The following FERMT2 variants were observed in gnomAD, a reference collection of about 807,000 sequenced individuals.
FERMT2 encodes fermitin family homolog 2.
FERMT2 carries 15 observed loss-of-function variants against 82.7 expected under a neutral mutation model. The ratio of observed to expected loss-of-function variants is 0.18; its 90% CI spans 0.12 to 0.28. The LOEUF (loss-of-function observed/expected upper bound fraction) is 0.28. Ranked by LOEUF, FERMT2 falls within the 10% of genes least tolerant of loss-of-function variation. The pLI is 1.00. For synonymous variants in FERMT2, 274 were observed against 271.5 expected, an observed-to-expected ratio of 1.01 and a Z score of -0.09; for missense variants, 645 against 809.4, an observed-to-expected ratio of 0.80 and a Z score of 2.46.
intron 3 of FERMT2, among the ~76,000 whole-genome samples, chr14:52,900,194 C>G (rs1887539263): frequency 6.6e-6 from 1 of 151,568 alleles, no homozygotes; most frequent in Admixed American, 6.6e-5. Flanking sequence ...TCACAGCAGC[C>G]TCGACTTCCC....
At chr14:52,926,411 A>AACACACACAC (rs34726532) in intron 2 of FERMT2, among the ~76,000 whole-genome samples, 28 of 147,070 alleles carry the variant, frequency 1.9e-4, no homozygotes, top group African/African-American at 4.5e-4. Flanking sequence ...GACCAAGTGC[A>AACACACACAC]ACACACACAC....
intron 2 of FERMT2, among the ~76,000 whole-genome samples, chr14:52,928,779 T>C (rs903288619): frequency 6.6e-6 from 1 of 152,172 alleles, no homozygotes. Context: ...TTCAAACTCT[T>C]TCACCTTCAC....
At chr14:52,950,355 C>A in intron 2 of FERMT2, 57 bp downstream of exon 2, 1 of 1,560,922 alleles carries the variant, frequency 6.4e-7, no homozygotes, top group Non-Finnish European at 8.8e-7. Flanking sequence ...GAGCCTCTTT[C>A]CTCCCCCTAC....
At chr14:52,880,447 G>A (rs1385747829) in intron 6 of FERMT2, among the ~76,000 whole-genome samples, 3 of 152,032 alleles carry the variant, frequency 2.0e-5, no homozygotes, top group Non-Finnish European at 4.4e-5. Flanking sequence ...TGCCCAGGCC[G>A]GAATGCAGTG....
At chr14:52,897,049 C>CACACACACACACACA (rs1887321843) in intron 3 of FERMT2, among the ~76,000 whole-genome samples, 1 of 135,520 alleles carries the variant, frequency 7.4e-6, no homozygotes, top group African/African-American at 2.7e-5. Flanking sequence ...CACACACACA[C>CACACACACACACACA]CATGGTAGAA....
chr14:52,872,260 A>G (rs1437800967), intron 10 of FERMT2: 2 of 153,362 alleles, frequency 1.3e-5, no homozygotes, highest in East Asian at 1.9e-4. Context: ...TTGACAAGTT[A>G]GAAATGCAGA....
At chr14:52,918,203 T>C (rs1331968099) in intron 3 of FERMT2, among the ~76,000 whole-genome samples, 2 of 152,172 alleles carry the variant, frequency 1.3e-5, no homozygotes, top group East Asian at 3.8e-4. Context: ...GAATTACAGC[T>C]TAAAAGAATG....
chr14:52,860,943 C>A, intron 12 of FERMT2: 1 of 1,129,578 alleles, frequency 8.9e-7, no homozygotes, highest in South Asian at 1.5e-5. Context: ...GGGGTAAATT[C>A]CATGAGGGAA....
chr14:52,906,040 T>C (rs542191978), intron 3 of FERMT2, among the ~76,000 whole-genome samples: 2 of 152,276 alleles, frequency 1.3e-5, no homozygotes, highest in South Asian at 2.1e-4. Context: ...GGCAACAAGA[T>C]GCACGAAATA....
At chr14:52,900,459 AG>A (rs1323605836) in intron 3 of FERMT2, among the ~76,000 whole-genome samples, 2 of 152,214 alleles carry the variant, frequency 1.3e-5, no homozygotes, top group Non-Finnish European at 2.9e-5. Context: ...TGGTTAAAAA[AG>A]TATATTGAAT....
chr14:52,883,067 G>A (rs1886381872), intron 4 of FERMT2, among the ~76,000 whole-genome samples: 1 of 152,034 alleles, frequency 6.6e-6, no homozygotes, highest in Non-Finnish European at 1.5e-5. Context: ...GAGTGGTGGT[G>A]CACGCTATTC....
intron 2 of FERMT2, among the ~76,000 whole-genome samples, chr14:52,939,373 C>CAAA (rs35130630): frequency 4.3e-5 from 4 of 93,236 alleles, no homozygotes; most frequent in Non-Finnish European, 8.4e-5. Context: ...ACTACGGTCT[C>CAAA]AAAAAAAAAA....
At chr14:52,942,160 C>CA (rs1890114267) in intron 2 of FERMT2, among the ~76,000 whole-genome samples, 2 of 151,672 alleles carry the variant, frequency 1.3e-5, no homozygotes, top group Admixed American at 6.6e-5. Context: ...TTCATATACT[C>CA]AGAGACTCAA....
chr14:52,926,547 C>A (rs1889287281), intron 2 of FERMT2, among the ~76,000 whole-genome samples: 1 of 152,110 alleles, frequency 6.6e-6, no homozygotes, highest in South Asian at 2.1e-4. Flanking sequence ...AGACTACGCT[C>A]AAAAACTTGC....
intron 2 of FERMT2, among the ~76,000 whole-genome samples, chr14:52,932,528 AT>A (rs1352724329): frequency 1.3e-5 from 2 of 152,250 alleles, no homozygotes; most frequent in African/African-American, 4.8e-5. Flanking sequence ...TGAAGAATGC[AT>A]ATACTAATAT....
chr14:52,921,143 C>T (rs1378638989), intron 2 of FERMT2, among the ~76,000 whole-genome samples: 1 of 152,092 alleles, frequency 6.6e-6, no homozygotes, highest in African/African-American at 2.4e-5. Flanking sequence ...AATCAGATTT[C>T]CACATTGATT....
chr14:52,878,529 T>C lies in FERMT2; in HGVS notation c.963+53A>G. 3 of 1,093,772 alleles carry C rather than the reference T, an allele frequency of 2.7e-6. No individual in the cohort carries two copies. The South Asian group carries it at 4.3e-5, about 16-fold the overall frequency. The allele number at this position is 1,093,772 out of a possible 1,614,324, so 67.8% of individuals were successfully genotyped here. On this transcript the variant is annotated intron_variant, in intron 7 of 14. Coordinates refer to ENST00000341590, the MANE Select transcript of FERMT2 (RefSeq NM_006832.3). ...ACTATTCCACTTTACTGTTTAAAAA[T>C]ACCTCCCTACCCTTTACCGGAATAA... is the stretch of plus-strand genomic sequence containing the variant.
intron 2 of FERMT2, among the ~76,000 whole-genome samples, chr14:52,920,556 C>T (rs1178455735): frequency 1.3e-5 from 2 of 152,010 alleles, no homozygotes; most frequent in Non-Finnish European, 2.9e-5. Flanking sequence ...ATCACTTGAG[C>T]CCATAAGGTC....
chr14:52,910,819 C>G (rs921796957), intron 3 of FERMT2, among the ~76,000 whole-genome samples: 3 of 152,052 alleles, frequency 2.0e-5, no homozygotes, highest in Admixed American at 1.3e-4. Context: ...CCTTAGGTAA[C>G]AATATATTTT....
Sources: gnomAD v4.1 joint callset for allele counts (sites outside exome capture counted in the v4.1 genomes callset) on GRCh38, gnomAD v4.1.1 for gene constraint, MANE v1.5 for transcripts, NCBI Gene and HGNC (gene_info 2026-07-23, HGNC 2026-07-21) for gene names.